Variants in FCHSD2 observed in about 807,000 individuals in gnomAD.
FCHSD2 encodes F-BAR and double SH3 domains protein 2.
A neutral mutation model predicts 108.1 loss-of-function variants in FCHSD2; 38 were observed. The ratio of observed to expected loss-of-function variants is 0.35; its 90% CI spans 0.27 to 0.46. FCHSD2 has a LOEUF of 0.46. Ranked by LOEUF, FCHSD2 falls within the 20% of genes least tolerant of loss-of-function variation. The pLI is 1.00. For missense variants in FCHSD2, 751 were observed against 897.8 expected, an observed-to-expected ratio of 0.84 and a Z score of 2.09; for synonymous variants, 279 against 314.7, an observed-to-expected ratio of 0.89 and a Z score of 1.20.
chr11:72,997,206 T>C (rs2135413435), intron 5 of FCHSD2, among the ~76,000 whole-genome samples: 1 of 152,274 alleles, frequency 6.6e-6, no homozygotes, highest in East Asian at 1.9e-4. Flanking sequence ...TCAGAGCAGC[T>C]ACACGATGTT....
At chr11:73,025,686 A>T (rs1019870324) in intron 3 of FCHSD2, among the ~76,000 whole-genome samples, 7 of 152,192 alleles carry the variant, frequency 4.6e-5, no homozygotes, top group Non-Finnish European at 7.4e-5. Flanking sequence ...AAAATTTTTT[A>T]AATCTCCTTG....
intron 5 of FCHSD2, among the ~76,000 whole-genome samples, chr11:72,999,395 C>G (rs1035850034): frequency 6.7e-6 from 1 of 149,394 alleles, no homozygotes; most frequent in African/African-American, 2.5e-5. Context: ...TCTCAGCTCA[C>G]TGCAATCTCC....
intron 3 of FCHSD2, among the ~76,000 whole-genome samples, chr11:73,069,165 G>T (rs1224386360): frequency 2.6e-5 from 4 of 151,590 alleles, no homozygotes; most frequent in African/African-American, 9.7e-5. Flanking sequence ...ACAAAAATTA[G>T]CCAGGCGTGG....
intron 3 of FCHSD2, among the ~76,000 whole-genome samples, chr11:73,059,005 A>G (rs1359616845): frequency 6.6e-6 from 1 of 152,218 alleles, no homozygotes; most frequent in Non-Finnish European, 1.5e-5. Context: ...AATAGACTCA[A>G]TGAATCATCC....
chr11:73,071,965 G>A (rs1015754786), intron 3 of FCHSD2, among the ~76,000 whole-genome samples: 5 of 151,920 alleles, frequency 3.3e-5, no homozygotes, highest in African/African-American at 1.2e-4. Context: ...GATATAGAGA[G>A]GTTAAGACAG....
intron 9 of FCHSD2, among the ~76,000 whole-genome samples, chr11:72,908,187 C>A (rs1362574400): frequency 6.6e-6 from 1 of 152,154 alleles, no homozygotes; most frequent in African/African-American, 2.4e-5. Flanking sequence ...CCAGTTTTAT[C>A]TATGTTGTTG....
At chr11:72,953,101 T>C (rs1290548599) in intron 8 of FCHSD2, among the ~76,000 whole-genome samples, 2 of 152,178 alleles carry the variant, frequency 1.3e-5, no homozygotes, top group Non-Finnish European at 2.9e-5. Context: ...TAGTATTAGA[T>C]ATTAAGAAAA....
intron 3 of FCHSD2, among the ~76,000 whole-genome samples, chr11:73,026,095 T>C (rs1238639598): frequency 6.6e-6 from 1 of 152,128 alleles, no homozygotes; most frequent in Admixed American, 6.5e-5. Flanking sequence ...CATCTCAGAC[T>C]CTAGAGTAGT....
chr11:72,859,459 G>A (rs1247481759), intron 13 of FCHSD2, among the ~76,000 whole-genome samples: 1 of 152,100 alleles, frequency 6.6e-6, no homozygotes, highest in Non-Finnish European at 1.5e-5. Context: ...TAGTGCTGCT[G>A]GCCTATTGTT....
chr11:73,105,159 C>T (rs944519454), intron 2 of FCHSD2, among the ~76,000 whole-genome samples: 3 of 152,174 alleles, frequency 2.0e-5, no homozygotes, highest in African/African-American at 7.2e-5. Flanking sequence ...AAAAGACACA[C>T]ATAAAATTGC....
Position 73,137,847 on chromosome 11 carries a change from A to G in FCHSD2, c.119+2184T>C, listed in dbSNP as rs556279890. On this transcript the variant is annotated intron_variant, in intron 2 of 19. Coordinates refer to ENST00000409418, the MANE Select transcript of FCHSD2 (RefSeq NM_014824.3). ...GGATGCATGGGCATGAAACGGTAGT[A>G]ACTAAGCCAGGAAAGGAAGCTTGCA... Among the ~76,000 whole-genome samples the G allele has an allele frequency of 2.0e-5, 3 of 152,368 alleles. No individual in the cohort carries two copies. In the South Asian group the frequency reaches 6.2e-4, roughly 32 times the overall value.
chr11:72,967,371 T>C (rs1856929972), intron 8 of FCHSD2, among the ~76,000 whole-genome samples: 1 of 152,104 alleles, frequency 6.6e-6, no homozygotes, highest in Non-Finnish European at 1.5e-5. Flanking sequence ...CCCATCAACT[T>C]TTGAATGGGT....
chr11:72,841,709 C>T, intron 17 of FCHSD2, 126 bp from the exon 18 acceptor site: 1 of 1,006,908 alleles, frequency 9.9e-7, no homozygotes, highest in Non-Finnish European at 1.4e-6. Context: ...ACTTGTCAAC[C>T]TCATTAGAGG....
chr11:72,839,014 C>T, intron 19 of FCHSD2, 140 bp from the exon 20 acceptor site: 5 of 664,074 alleles, frequency 7.5e-6, no homozygotes, highest in Non-Finnish European at 1.3e-5. Flanking sequence ...GTGCTTTCAA[C>T]CTAGTCTTCA....
At chr11:72,883,840 G>A (rs945062299) in intron 12 of FCHSD2, among the ~76,000 whole-genome samples, 1 of 151,780 alleles carries the variant, frequency 6.6e-6, no homozygotes, top group Non-Finnish European at 1.5e-5. Flanking sequence ...GCTGACATGG[G>A]AGAATCGCTT....
chr11:73,091,129 T>C (rs899316425), intron 2 of FCHSD2, among the ~76,000 whole-genome samples: 1 of 152,378 alleles, frequency 6.6e-6, no homozygotes, highest in African/African-American at 2.4e-5. Flanking sequence ...TGTTCCATTC[T>C]ATGAGTATAC....
chr11:72,976,695 A>G (rs749481772), intron 8 of FCHSD2, among the ~76,000 whole-genome samples: 16 of 152,300 alleles, frequency 1.1e-4, no homozygotes, highest in Non-Finnish European at 2.1e-4. Flanking sequence ...GTACTGGCAT[A>G]AAAATAGACT....
intron 2 of FCHSD2, among the ~76,000 whole-genome samples, chr11:73,087,594 A>G (rs980537700): frequency 1.3e-5 from 2 of 151,692 alleles, no homozygotes; most frequent in African/African-American, 4.8e-5. Flanking sequence ...AGTCCCAGCT[A>G]CTCGGAAGGC....
intron 9 of FCHSD2, among the ~76,000 whole-genome samples, chr11:72,919,143 G>T (rs572808524): frequency 6.6e-6 from 1 of 152,220 alleles, no homozygotes; most frequent in South Asian, 2.1e-4. Context: ...TCTAAAAAGT[G>T]TCAAACTTCC....
Sources: allele counts gnomAD v4.1 joint callset (sites outside exome capture counted in the v4.1 genomes callset), GRCh38; gene constraint gnomAD v4.1.1; transcripts MANE v1.5; gene names NCBI Gene and HGNC (gene_info 2026-07-23, HGNC 2026-07-21).